Variants in NCAPH2 observed in about 807,000 individuals in gnomAD.
The protein encoded by NCAPH2 is condensin-2 complex subunit H2.
NCAPH2 carries 56 observed loss-of-function variants against 88.6 expected under a neutral mutation model. The observed-to-expected ratio is 0.63, with a 90% confidence interval of 0.51 to 0.79. The LOEUF is 0.79. Ranked by LOEUF, NCAPH2 falls within the 30% of genes least tolerant of loss-of-function variation. The pLI is 0.00. For missense variants in NCAPH2, 794 were observed against 792.0 expected, an observed-to-expected ratio of 1.00 and a Z score of -0.03; for synonymous variants, 378 against 313.6, an observed-to-expected ratio of 1.21 and a Z score of -2.17.
intron 1 of NCAPH2, among the ~76,000 whole-genome samples, chr22:50,511,634 C>T (rs1489722365): frequency 7.2e-6 from 1 of 139,766 alleles, no homozygotes; most frequent in Non-Finnish European, 1.5e-5. Context: ...GCGCCTGCCA[C>T]CACGCCTGGC....
In NCAPH2 at chr22:50,523,970, C is replaced by CCACCTG. The variant is rs766510758; in HGVS notation, c.*600_*605dup. On this transcript the variant is annotated 3_prime_UTR_variant, in exon 20 of 20. Transcript: ENST00000420993. Reference sequence around the variant, plus strand: ...CCAGGCTCTGCTTCCAGCTGCCGCACCACCTGCACCAGCTTCTCCAGCTCG... The same window carrying CCACCTG: ...CCAGGCTCTGCTTCCAGCTGCCGCACCACCTGCACCTGCACCAGCTTCTCCAGCTCG... 14 of 1,612,502 alleles carry CCACCTG rather than the reference C, an allele frequency of 8.7e-6. No homozygotes were observed. Among genetic ancestry groups the CCACCTG allele is most frequent in the Non-Finnish European group, 1.2e-5 (14 of 1,179,020 alleles).
At chr22:50,523,190 A>AG (rs756837511) in intron 19 of NCAPH2, 24 bp downstream of exon 19, 3 of 1,613,490 alleles carry the variant, frequency 1.9e-6, no homozygotes, top group African/African-American at 2.7e-5. Flanking sequence ...GATACGTGGG[A>AG]GGGGGAGACG....
In NCAPH2 at chr22:50,517,560, A is replaced by G; in HGVS notation, c.267-17A>G. ...CTGCAGCTCCTGGGATGCCCACGGG[A>G]TGTGCTTCTCTCTCAGGCGGGCCAA... is the stretch of plus-strand genomic sequence containing the variant. On this transcript the variant is annotated splice_polypyrimidine_tract_variant and intron_variant, in intron 3 of 19. Transcript: ENST00000420993. 3 of 1,613,922 alleles carry G rather than the reference A, an allele frequency of 1.9e-6. No homozygotes were observed. Among genetic ancestry groups the G allele is most frequent in the South Asian group, 1.1e-5 (1 of 91,082 alleles).
chr22:50,509,587 T>A (rs1483010053), intron 1 of NCAPH2, among the ~76,000 whole-genome samples: 4 of 152,252 alleles, frequency 2.6e-5, no homozygotes, highest in African/African-American at 9.6e-5. Context: ...GTCTCTGGCC[T>A]GGATTTGTGT....
At position 50,522,652 on chromosome 22, in the gene NCAPH2, C is replaced by T. The variant is rs1173566563; in HGVS notation, c.1376-19C>T. ...AGCGTGGCCCCTTAGCTGCCCAGCT[C>T]ACAGCTACCCCTTCCCAGACGCAGT... On this transcript the variant is annotated intron_variant, in intron 16 of 19. Transcript: ENST00000420993. 46 of 1,613,538 alleles carry T rather than the reference C, an allele frequency of 2.9e-5. No individual in the cohort carries two copies. Among genetic ancestry groups the T allele is most frequent in the Non-Finnish European group, 3.6e-5 (43 of 1,179,982 alleles).
chr22:50,516,361 A>G, intron 1 of NCAPH2, 86 bp from the exon 2 acceptor site: 1 of 1,265,394 alleles, frequency 7.9e-7, no homozygotes, highest in African/African-American at 1.5e-5. Context: ...TGCTGGGCAG[A>G]GACCAAAGAT....
In NCAPH2 at chr22:50,512,729, A is replaced by G. The variant is rs78862895; in HGVS notation, c.109-3718A>G. ...CTGGCTAATTTTTTGTATTTTTGGT[A>G]GAGATGGGGTGTCACTGTGTTGCCC... On this transcript the variant is annotated intron_variant, in intron 1 of 19. Transcript: ENST00000420993. 3.7e-3 allele frequency among the ~76,000 whole-genome samples: 559 copies of G among 151,750 alleles called. 5 individuals carry two copies. The highest frequency in any genetic ancestry group is 0.028 in the East Asian group (144 of 5,170).
chr22:50,524,513 C>A lies in NCAPH2; in HGVS notation c.*1138C>A. 8.4e-7 allele frequency: 1 copy of A among 1,197,322 alleles called. No homozygotes were observed. The highest frequency in any genetic ancestry group is 1.2e-6 in the Non-Finnish European group (1 of 820,578). 74.2% of individuals were successfully genotyped at this position (1,197,322 alleles called of 1,614,324 possible). ...CTGCGACTTGAGACCAGCCACCCAT[C>A]TGAAGGACCCAGCCCACGTTCAGGC... is the stretch of plus-strand genomic sequence containing the variant. On this transcript the variant is annotated 3_prime_UTR_variant, in exon 20 of 20. Coordinates refer to ENST00000420993, the MANE Select transcript of NCAPH2 (RefSeq NM_152299.4).
intron 9 of NCAPH2, 97 bp from the exon 10 acceptor site, chr22:50,520,868 A>G: frequency 7.2e-7 from 1 of 1,396,506 alleles, no homozygotes; most frequent in Non-Finnish European, 9.8e-7. Context: ...CGACCCTTGT[A>G]GGGTTCTTGA....
chr22:50,518,032 G>C lies in NCAPH2; in HGVS notation c.480G>C (p.Lys160Asn), dbSNP rs761894763. ...MALVAPDEME[K>N]NNNPLYSRQG... ...TGGTGGCCCCTGATGAAATGGAGAA[G>C]AACAACAATCCCCTGTACAGGTAGG... Residue 160 changes from lysine (K) to asparagine (N), a missense_variant, in exon 6 of 20, where the codon AAG (lysine) becomes AAC (asparagine). Lys to Asn is a moderately conservative substitution (Grantham distance 94, BLOSUM62 0). Transcript: ENST00000420993. The C allele has an allele frequency of 2.4e-5, 39 of 1,613,952 alleles. 1 individual carries two copies. Among genetic ancestry groups the C allele is most frequent in the African/African-American group, 4.0e-5 (3 of 74,930 alleles).
intron 1 of NCAPH2, among the ~76,000 whole-genome samples, chr22:50,511,145 C>CA (rs1405560533): frequency 7.0e-6 from 1 of 143,714 alleles, no homozygotes; most frequent in Non-Finnish European, 1.5e-5. Flanking sequence ...CGCGCCCAGC[C>CA]AAAAAAAATT....
In NCAPH2 at chr22:50,521,725, C is replaced by G; in HGVS notation, c.1001-16C>G. ...GATCCCCCAGCGGCTCTAAGACAGTCCCTGTTTGCCCCCAGGTAGGCCTTA... is the reference window on the plus strand; with the variant it reads ...GATCCCCCAGCGGCTCTAAGACAGTGCCTGTTTGCCCCCAGGTAGGCCTTA... On this transcript the variant is annotated splice_polypyrimidine_tract_variant and intron_variant, in intron 11 of 19. Transcript: ENST00000420993. 6.2e-7 allele frequency: 1 copy of G among 1,613,598 alleles called. No homozygotes were observed. Among genetic ancestry groups the G allele is most frequent in the Non-Finnish European group, 8.5e-7 (1 of 1,179,788 alleles).
rs539089690 is a variant in NCAPH2, at chr22:50,523,507, G to C, written c.*132G>C. The C allele has an allele frequency of 1.3e-6, 2 of 1,545,314 alleles. No individual in the cohort carries two copies. The highest frequency in any genetic ancestry group is 1.8e-6 in the Non-Finnish European group (2 of 1,139,678). On this transcript the variant is annotated 3_prime_UTR_variant, in exon 20 of 20. Coordinates refer to ENST00000420993, the MANE Select transcript of NCAPH2 (RefSeq NM_152299.4). ...TAAAAACCCTTTTATGTACACCTGC[G>C]CAGAGAAGAGGGCTGCCTGGCCTCC...
intron 1 of NCAPH2, among the ~76,000 whole-genome samples, chr22:50,509,327 C>T (rs1485396984): frequency 6.6e-6 from 1 of 152,160 alleles, no homozygotes; most frequent in Non-Finnish European, 1.5e-5. Context: ...GCTCTCTTGA[C>T]ATCTAGTGGG....
intron 1 of NCAPH2, among the ~76,000 whole-genome samples, chr22:50,512,999 C>T (rs903321807): frequency 6.6e-6 from 1 of 152,196 alleles, no homozygotes; most frequent in Non-Finnish European, 1.5e-5. Flanking sequence ...GGTAGGACTT[C>T]CTCTGTCATG....
intron 18 of NCAPH2, 44 bp from the exon 19 acceptor site, chr22:50,522,973 G>T (rs1464360253): frequency 3.7e-6 from 6 of 1,609,780 alleles, no homozygotes; most frequent in Non-Finnish European, 5.1e-6. Context: ...GTCTGTCCAG[G>T]GCCTTGCCTC....
intron 5 of NCAPH2, 26 bp from the exon 6 acceptor site, chr22:50,517,947 C>T (rs2068974547): frequency 1.9e-6 from 3 of 1,608,546 alleles, no homozygotes; most frequent in African/African-American, 1.3e-5. Context: ...GGGTGCCTGG[C>T]TCACCCACCC....
intron 2 of NCAPH2, 141 bp from the exon 3 acceptor site, chr22:50,517,286 T>C: frequency 1.2e-6 from 1 of 859,728 alleles, no homozygotes; most frequent in Non-Finnish European, 1.9e-6. Flanking sequence ...GAATTATTTT[T>C]GGAACCAAAA....
chr22:50,523,209 A>G, intron 19 of NCAPH2, 26 bp from the exon 20 acceptor site: 2 of 1,613,258 alleles, frequency 1.2e-6, no homozygotes. Context: ...CGGTCCCCAG[A>G]CCCTGCTGAT....
Sources: gnomAD v4.1 joint callset for allele counts (sites outside exome capture counted in the v4.1 genomes callset) on GRCh38, gnomAD v4.1.1 for gene constraint, MANE v1.5 for transcripts, NCBI Gene and HGNC (gene_info 2026-07-23, HGNC 2026-07-21) for gene names.